Variants in LRPAP1 observed in about 807,000 individuals in gnomAD.
LRPAP1 encodes alpha-2-macroglobulin receptor-associated protein.
In LRPAP1, 41 loss-of-function variants were observed where a neutral mutation model predicts 39.9. The ratio of observed to expected loss-of-function variants is 1.03; its 90% confidence interval spans 0.80 to 1.33. The LOEUF is 1.33. Among genes scored for constraint, LRPAP1 ranks in the 40% most tolerant of loss-of-function variants. The pLI is 0.00. For synonymous variants in LRPAP1, 263 were observed against 212.7 expected (o/e 1.24, Z -2.06); for missense variants, 565 against 482.3 (o/e 1.17, Z -1.61).
chr4:3,518,770 G>T, intron 4 of LRPAP1, 101 bp downstream of exon 4: 1 of 784,570 alleles, frequency 1.3e-6, no homozygotes. Context: ...CCTGAGGGGA[G>T]CTGAGGCTGC....
rs745755598 is a variant in LRPAP1, at chr4:3,520,158, C to A, written c.385G>T (p.Asp129Tyr). The change falls in exon 3 of 8, where the codon GAC becomes TAC. Residue 129 changes from aspartate to tyrosine, a missense_variant. Physicochemically the swap from Asp to Tyr is radical, Grantham distance 160. Coordinates refer to ENST00000650182, the MANE Select transcript of LRPAP1 (RefSeq NM_002337.4). ...LAKYGLDGKK[D>Y]ARQVTSNSLS... Reference sequence around the variant, plus strand: ...GAGTTGCTGGTCACCTGCCGAGCGTCCTTCTTTCCGTCCAGACCATACTTG... The same window carrying A: ...GAGTTGCTGGTCACCTGCCGAGCGTACTTCTTTCCGTCCAGACCATACTTG... The A allele has an allele frequency of 1.3e-5, 21 of 1,614,198 alleles. No individual in the cohort carries two copies. In the South Asian group the frequency reaches 2.3e-4, roughly 18 times the overall value.
At chr4:3,519,634 G>T (rs1302770160) in intron 3 of LRPAP1, among the ~76,000 whole-genome samples, 1 of 152,204 alleles carries the variant, frequency 6.6e-6, no homozygotes, top group East Asian at 1.9e-4. Context: ...GGCCCTGCTG[G>T]GTCCCAGCGC....
chr4:3,516,299 T>C (rs1365415867), intron 5 of LRPAP1, 101 bp from the exon 6 acceptor site: 1 of 891,004 alleles, frequency 1.1e-6, no homozygotes, highest in African/African-American at 1.7e-5. Context: ...CTATGAGGGT[T>C]TGCAGGCGCG....
rs368140277 is a variant in LRPAP1, at chr4:3,530,788, C to T, written c.204+1421G>A. On this transcript the variant is annotated intron_variant, in intron 1 of 7. Transcript: ENST00000650182. ...GGAGGTGGCTGGAGGTAAGGTGGAG[C>T]GCACCAGGGCGGCCCTGCAGAGCAG... Among the ~76,000 whole-genome samples the T allele has an allele frequency of 3.5e-4, 53 of 152,294 alleles. No homozygotes were observed. In the South Asian group the frequency reaches 0.011, roughly 30 times the overall value.
chr4:3,532,154 C>T lies in LRPAP1; in HGVS notation c.204+55G>A, dbSNP rs964223315. 7 of 1,538,204 alleles carry T rather than the reference C, an allele frequency of 4.6e-6. No individual in the cohort carries two copies. The African/African-American group carries it at 8.3e-5, about 18-fold the overall frequency. ...ACCCCTGGGCCCCGCTCCAACGACC[C>T]CAACCACGGCCCCCGCCCCCAGGCC... On this transcript the variant is annotated intron_variant, in intron 1 of 7. Transcript: ENST00000650182.
chr4:3,514,563 G>C (rs956874038), intron 7 of LRPAP1, among the ~76,000 whole-genome samples, 189 bp downstream of exon 7: 1 of 152,246 alleles, frequency 6.6e-6, no homozygotes, highest in Non-Finnish European at 1.5e-5. Context: ...AGCCCGGGGG[G>C]CTCCCCTAGC....
At position 3,508,663 on chromosome 4, in the gene LRPAP1, G is replaced by A. The variant is rs536295665; in HGVS notation, c.*4311C>T. On this transcript the variant is annotated 3_prime_UTR_variant, in exon 8 of 8. Coordinates refer to ENST00000650182, the MANE Select transcript of LRPAP1 (RefSeq NM_002337.4). ...GTCATCTTGGCATATGAAAGTCAGC[G>A]TAATTCACTACAGTAATGCGGTAAG... 6.6e-6 allele frequency: 1 copy of A among 152,268 alleles called. No individual in the cohort carries two copies. Among genetic ancestry groups the A allele is most frequent in the East Asian group, 1.9e-4 (1 of 5,190 alleles). 9.4% of individuals were successfully genotyped at this position (152,268 alleles called of 1,614,324 possible).
Position 3,512,979 on chromosome 4 carries a change from G to A in LRPAP1, c.1069C>T (p.Leu357Phe), listed in dbSNP as rs764596971. The change falls in exon 8 of 8, where the codon CTC becomes TTC. Residue 357 changes from leucine (L) to phenylalanine (F), a missense_variant. Coordinates refer to ENST00000650182, the MANE Select transcript of LRPAP1 (RefSeq NM_002337.4). ...GGCTGGGCTCCCCAATGCCTTCAGA[G>A]TTCGTTGTGCCGAGCTCTGGAGATC... ...GRISRARHNE[L>F] 5.0e-6 allele frequency: 8 copies of A among 1,611,032 alleles called. No individual in the cohort carries two copies.
At position 3,516,338 on chromosome 4, in the gene LRPAP1, T is replaced by C. The variant is rs574424842; in HGVS notation, c.752-140A>G. Reference sequence around the variant, plus strand: ...TGCATGTGTGTGAAACACGGGTGCGTGCACTCAAAGTCTTATGGGGCACAG... The same window carrying C: ...TGCATGTGTGTGAAACACGGGTGCGCGCACTCAAAGTCTTATGGGGCACAG... On this transcript the variant is annotated intron_variant, in intron 5 of 7. Transcript: ENST00000650182. 303 of 664,328 alleles carry C rather than the reference T, an allele frequency of 4.6e-4. 1 individual carries two copies. In the Middle Eastern group the frequency reaches 6.2e-3, roughly 14 times the overall value. 41.2% of individuals were successfully genotyped at this position (664,328 alleles called of 1,614,324 possible). A position where few individuals can be genotyped will look rare whatever the true frequency, so the allele number is the denominator to read the frequency against.
rs376558921 is a variant in LRPAP1, at chr4:3,526,699, A to C, written c.205-1648T>G. Among the ~76,000 whole-genome samples the C allele has an allele frequency of 4.6e-5, 7 of 151,712 alleles. No homozygotes were observed. The East Asian group carries it at 5.8e-4, about 13-fold the overall frequency. Reference sequence around the variant, plus strand: ...ATTCTGTGTGTTTGGCACACCCCACACTCCGGAACCTCCTCGCCTCACTCT... The same window carrying C: ...ATTCTGTGTGTTTGGCACACCCCACCCTCCGGAACCTCCTCGCCTCACTCT... On this transcript the variant is annotated intron_variant, in intron 1 of 7. Transcript: ENST00000650182.
intron 2 of LRPAP1, among the ~76,000 whole-genome samples, chr4:3,523,746 G>T (rs1480643456): frequency 1.3e-5 from 2 of 152,220 alleles, no homozygotes; most frequent in Non-Finnish European, 2.9e-5. Context: ...CAATGCCTGA[G>T]GCCATCAGCG....
rs528404767 is a variant in LRPAP1 at position 3,527,208 on chromosome 4, CCCCAGCCAGCCCCATCCA to C, written c.205-2175_205-2158del. ...ACACACCCCTACCTGTGTGCCTCTT[CCCCAGCCAGCCCCATCCA>C]CCCAGCCAGCCCCATCCACCCAGCC... On this transcript the variant is annotated intron_variant, in intron 1 of 7. Transcript: ENST00000650182. 7.1e-4 allele frequency among the ~76,000 whole-genome samples: 108 copies of C among 152,164 alleles called. 2 individuals are homozygous for C. The highest frequency in any genetic ancestry group is 3.2e-3 in the Admixed American group (49 of 15,292).
At chr4:3,527,559 C>T (rs935957552) in intron 1 of LRPAP1, among the ~76,000 whole-genome samples, 4 of 152,208 alleles carry the variant, frequency 2.6e-5, no homozygotes, top group Non-Finnish European at 5.9e-5. Context: ...CTGCACTGCC[C>T]GGGAGGGTCT....
At position 3,532,393 on chromosome 4, in the gene LRPAP1, C is replaced by G. The variant is rs774805099; in HGVS notation, c.20G>C (p.Arg7Thr). MAPRRV[R>T]SFLRGLPALL... ...CGCCGGGAGCCCGCGCAGAAACGAC[C>G]TGACCCTCCGCGGCGCCATCTTCCT... Residue 7 changes from arginine to threonine, a missense_variant, in exon 1 of 8, where the codon AGG becomes ACG. Physicochemically the swap from Arg to Thr is moderately conservative, Grantham distance 71 (BLOSUM62 -1). Transcript: ENST00000650182. The G allele has an allele frequency of 4.4e-6, 7 of 1,584,234 alleles. No homozygotes were observed. The African/African-American group carries it at 8.1e-5, about 18-fold the overall frequency.
At chr4:3,527,827 G>T (rs1275057363) in intron 1 of LRPAP1, among the ~76,000 whole-genome samples, 2 of 152,234 alleles carry the variant, frequency 1.3e-5, no homozygotes, top group Non-Finnish European at 2.9e-5. Flanking sequence ...GTAACTTGCA[G>T]TCCTCACTGG....
Position 3,512,948 on chromosome 4 carries a change from C to G in LRPAP1, c.*26G>C. ...CAGGTCCTTCACGCTGGCCTCTTCC[C>G]TGCCGGGCTGGGCTCCCCAATGCCT... is the stretch of plus-strand genomic sequence containing the variant. On this transcript the variant is annotated 3_prime_UTR_variant, in exon 8 of 8. Transcript: ENST00000650182. 6.2e-7 allele frequency: 1 copy of G among 1,600,864 alleles called. No homozygotes were observed. Among genetic ancestry groups the G allele is most frequent in the Non-Finnish European group, 8.5e-7 (1 of 1,174,416 alleles).
intron 6 of LRPAP1, 108 bp from the exon 7 acceptor site, chr4:3,515,036 C>G (rs1017148549): frequency 1.5e-5 from 19 of 1,264,926 alleles, no homozygotes; most frequent in African/African-American, 4.4e-5. Flanking sequence ...ATACCCGGGG[C>G]AGGACAGGCC....
chr4:3,517,973 C>T (rs1276187975), intron 5 of LRPAP1, 61 bp downstream of exon 5: 4 of 1,534,130 alleles, frequency 2.6e-6, no homozygotes, highest in Non-Finnish European at 3.5e-6. Flanking sequence ...CTGCTTGTCC[C>T]CAAAACACAA....
chr4:3,519,594 G>A lies in LRPAP1; in HGVS notation c.471+478C>T, dbSNP rs982763041. 3.9e-5 allele frequency among the ~76,000 whole-genome samples: 6 copies of A among 152,170 alleles called. No individual in the cohort carries two copies. The South Asian group carries it at 6.2e-4, about 16-fold the overall frequency. On this transcript the variant is annotated intron_variant, in intron 3 of 7. Transcript: ENST00000650182. ...GAGCCGCTGGAAATGGGGGAGCTGC[G>A]GCAGGTAAACACCCTGCCACAGCCC...
Sources: gnomAD v4.1 joint callset for allele counts (sites outside exome capture counted in the v4.1 genomes callset) on GRCh38, gnomAD v4.1.1 for gene constraint, MANE v1.5 for transcripts, NCBI Gene and HGNC (gene_info 2026-07-23, HGNC 2026-07-21) for gene names.